Variants in GLIS3 observed in about 807,000 individuals in gnomAD.
GLIS3 encodes the protein zinc finger protein GLIS3.
In GLIS3, 53 loss-of-function variants were observed where a neutral mutation model predicts 78.6. That is an observed-to-expected ratio of 0.67 (90% CI 0.54 to 0.85). GLIS3 has a LOEUF of 0.85. Among genes scored for constraint, GLIS3 ranks in the 40% least tolerant of loss-of-function variants. The pLI, the probability that GLIS3 is intolerant of heterozygous loss-of-function variation, is 0.00. For missense variants in GLIS3, 1,703 were observed against 1,231.1 expected (o/e 1.38, Z -5.74); for synonymous variants, 684 against 509.9 (o/e 1.34, Z -4.60).
the GLIS3 span, among the ~76,000 whole-genome samples, chr9:4,386,185 T>C: frequency 6.6e-6 from 1 of 152,086 alleles, no homozygotes; most frequent in African/African-American, 2.4e-5. Context: ...GAATCTCCTC[T>C]AATCACCCTA....
In GLIS3 at chr9:4,033,172, C is replaced by T. The variant is rs541731337; in HGVS notation, c.1710+84596G>A. On this transcript the variant is annotated intron_variant, in intron 4 of 10. Transcript: ENST00000381971. ...CTGGCTGGAATTGAGAATTCTTGAACTTCTCAGAGTTCTGCACCAGAATGG... is the reference window on the plus strand; with the variant it reads ...CTGGCTGGAATTGAGAATTCTTGAATTTCTCAGAGTTCTGCACCAGAATGG... 4.6e-5 allele frequency among the ~76,000 whole-genome samples: 7 copies of T among 152,276 alleles called. No individual in the cohort carries two copies. The South Asian group carries it at 1.5e-3, about 32-fold the overall frequency.
chr9:4,447,247 T>C, the GLIS3 span, among the ~76,000 whole-genome samples: 2 of 151,936 alleles, frequency 1.3e-5, no homozygotes, highest in South Asian at 2.1e-4. Context: ...AGGGTCTCAC[T>C]ATGTTGCTCA....
chr9:4,200,939 C>G (rs1440048920), intron 2 of GLIS3, among the ~76,000 whole-genome samples: 1 of 152,140 alleles, frequency 6.6e-6, no homozygotes, highest in Non-Finnish European at 1.5e-5. Context: ...AAATCCTCAA[C>G]AAAATCTAGC....
At chr9:3,917,361 C>G (rs570959319) in intron 6 of GLIS3, among the ~76,000 whole-genome samples, 5 of 152,282 alleles carry the variant, frequency 3.3e-5, no homozygotes, top group African/African-American at 1.2e-4. Flanking sequence ...GTTAGGCACC[C>G]AGAAGAAAGG....
At chr9:4,256,258 C>A (rs1824929424) in intron 2 of GLIS3, among the ~76,000 whole-genome samples, 1 of 151,958 alleles carries the variant, frequency 6.6e-6, no homozygotes, top group Non-Finnish European at 1.5e-5. Flanking sequence ...AAAAAAGAGT[C>A]CTTTTAGATC....
intron 2 of GLIS3, among the ~76,000 whole-genome samples, chr9:4,179,538 A>T (rs1282852992): frequency 6.6e-6 from 1 of 152,146 alleles, no homozygotes; most frequent in Non-Finnish European, 1.5e-5. Context: ...CTATTTATTA[A>T]GCCTCTCTAG....
Position 4,186,926 on chromosome 9 carries a change from T to G in GLIS3, c.389-60985A>C, listed in dbSNP as rs148500836. 1.4e-4 allele frequency among the ~76,000 whole-genome samples: 21 copies of G among 152,306 alleles called. No homozygotes were observed. In the East Asian group the frequency reaches 3.9e-3, roughly 28 times the overall value. ...TGTCAGATGAGTAGGTTGGGAAAAT[T>G]TTCTCCCATTCTGTAGGTTGCCTGT... On this transcript the variant is annotated intron_variant, in intron 2 of 10. Coordinates refer to ENST00000381971, the MANE Select transcript of GLIS3 (RefSeq NM_001042413.2).
At chr9:4,390,449 G>A in the GLIS3 span, among the ~76,000 whole-genome samples, 1 of 151,400 alleles carries the variant, frequency 6.6e-6, no homozygotes, top group African/African-American at 2.4e-5. Flanking sequence ...CATTGTACCC[G>A]CAAACTTCTA....
At position 4,286,472 on chromosome 9, in the gene GLIS3, T is replaced by C. The variant is rs1587313046; in HGVS notation, c.-47A>G. On this transcript the variant is annotated 5_prime_UTR_variant, in exon 2 of 11. Coordinates refer to ENST00000381971, the MANE Select transcript of GLIS3 (RefSeq NM_001042413.2). ...ACGGTCAAATATCCAATGTCACTAA[T>C]GACTCCTTTCAGGCAAAGTCCAATA... The C allele has an allele frequency of 3.7e-6, 6 of 1,609,130 alleles. No individual in the cohort carries two copies. The highest frequency in any genetic ancestry group is 4.5e-5 in the East Asian group (2 of 44,874).
intron 6 of GLIS3, among the ~76,000 whole-genome samples, chr9:3,914,945 C>G (rs1285116663): frequency 6.6e-6 from 1 of 152,040 alleles, no homozygotes; most frequent in East Asian, 1.9e-4. Context: ...TTCGTCAATG[C>G]ACAGAATTAC....
At chr9:4,306,120 C>G (rs1817221715) in intron 4 of GLIS3, 1 of 152,088 alleles carries the variant, frequency 6.6e-6, no homozygotes, top group Non-Finnish European at 1.5e-5. Context: ...TGCTTTATCA[C>G]CCAAACTGTA....
intron 2 of GLIS3, among the ~76,000 whole-genome samples, chr9:4,344,163 T>A (rs1308618598): frequency 6.6e-6 from 1 of 152,110 alleles, no homozygotes; most frequent in Non-Finnish European, 1.5e-5. Context: ...CCAGCCCACT[T>A]CTCTGGTCCC....
chr9:4,326,733 A>C (rs1817605660), intron 2 of GLIS3, among the ~76,000 whole-genome samples: 1 of 152,188 alleles, frequency 6.6e-6, no homozygotes, highest in African/African-American at 2.4e-5. Flanking sequence ...AATGGAACCT[A>C]CAGCAACAGC....
chr9:4,236,940 C>G (rs1822811380), intron 2 of GLIS3, among the ~76,000 whole-genome samples: 1 of 152,060 alleles, frequency 6.6e-6, no homozygotes, highest in African/African-American at 2.4e-5. Context: ...AGGATGGGCT[C>G]AGCATCGTCT....
intron 4 of GLIS3, among the ~76,000 whole-genome samples, chr9:4,088,052 G>T (rs1588641025): frequency 3.3e-5 from 5 of 152,206 alleles, no homozygotes; most frequent in Admixed American, 3.3e-4. Flanking sequence ...CAGCTCACTG[G>T]CTAGACAAGG....
At chr9:4,238,559 G>T (rs960425039) in intron 2 of GLIS3, among the ~76,000 whole-genome samples, 1 of 152,190 alleles carries the variant, frequency 6.6e-6, no homozygotes, top group Non-Finnish European at 1.5e-5. Flanking sequence ...CAGAAGGCCC[G>T]TGTGAAGCAA....
chr9:3,898,413 T>C (rs1314713680), intron 7 of GLIS3: 9 of 463,296 alleles, frequency 1.9e-5, no homozygotes, highest in Non-Finnish European at 3.6e-5. Context: ...TGAGTAAATG[T>C]AACATAACTG....
intron 2 of GLIS3, among the ~76,000 whole-genome samples, chr9:4,313,851 G>A (rs1002009723): frequency 8.5e-5 from 13 of 152,190 alleles, no homozygotes; most frequent in Non-Finnish European, 1.3e-4. Flanking sequence ...GGTGATCAGC[G>A]TGCATGGTCT....
chr9:4,097,280 C>G (rs1024021953), intron 4 of GLIS3, among the ~76,000 whole-genome samples: 2 of 151,674 alleles, frequency 1.3e-5, no homozygotes, highest in African/African-American at 4.8e-5. Context: ...TTCCAGGATT[C>G]AAAGTAAAAA....
Sources: gnomAD v4.1 joint callset for allele counts (sites outside exome capture counted in the v4.1 genomes callset) on GRCh38, gnomAD v4.1.1 for gene constraint, MANE v1.5 for transcripts, NCBI Gene and HGNC (gene_info 2026-07-23, HGNC 2026-07-21) for gene names.